RUFY1: variants seen among roughly 807,000 people sequenced by gnomAD.
RUFY1 encodes RUN and FYVE domain-containing protein 1.
RUFY1 carries 54 observed loss-of-function variants against 94.6 expected under a neutral mutation model. The observed-to-expected ratio is 0.57, with a 90% CI of 0.46 to 0.72. RUFY1 has a LOEUF of 0.72. RUFY1 is among the 30% of genes least tolerant of loss of function. The pLI, the probability that RUFY1 is intolerant of heterozygous loss-of-function variation, is 0.00. For synonymous variants in RUFY1, 396 were observed against 347.3 expected (o/e 1.14, Z -1.56); for missense variants, 883 against 883.9 (o/e 1.00, Z 0.01).
At chr5:179,603,234 C>T (rs1439415749) in intron 15 of RUFY1, among the ~76,000 whole-genome samples, 2 of 150,036 alleles carry the variant, frequency 1.3e-5, no homozygotes, top group Non-Finnish European at 3.0e-5. Context: ...CACTGCACTC[C>T]AGCCTGGGCA....
rs547887641 is a variant in RUFY1 at position 179,601,073 on chromosome 5, G to A, written c.1762-819G>A. 4.6e-5 allele frequency among the ~76,000 whole-genome samples: 7 copies of A among 152,262 alleles called. No individual in the cohort carries two copies. In the South Asian group the frequency reaches 6.2e-4, roughly 14 times the overall value. On this transcript the variant is annotated intron_variant, in intron 14 of 17. Coordinates refer to ENST00000319449, the MANE Select transcript of RUFY1 (RefSeq NM_025158.5). ...CTCTGTCCCCAGCTGCAGAGCCCTC[G>A]TCGAGTGCTTGCCTTTTAGCTGCCC...
intron 3 of RUFY1, 71 bp downstream of exon 3, chr5:179,562,735 C>A: frequency 1.2e-6 from 1 of 842,806 alleles, no homozygotes; most frequent in Non-Finnish European, 2.0e-6. Flanking sequence ...TTCTCAATTC[C>A]TTGCTGATGA....
Position 179,563,562 on chromosome 5 carries a change from G to A in RUFY1, c.602+898G>A, listed in dbSNP as rs920967133. ...TGAAACTCCATTGCTGCCAAGCCCT[G>A]TGCATTCTTCTCAAGATTAGATTTA... On this transcript the variant is annotated intron_variant, in intron 3 of 17. Coordinates refer to ENST00000319449, the MANE Select transcript of RUFY1 (RefSeq NM_025158.5). Among the ~76,000 whole-genome samples, 3 of 152,314 alleles carry A rather than the reference G, an allele frequency of 2.0e-5. No homozygotes were observed. The South Asian group carries it at 6.2e-4, about 32-fold the overall frequency.
chr5:179,580,928 C>G lies in RUFY1; in HGVS notation c.891-19C>G, dbSNP rs1337951296. On this transcript the variant is annotated intron_variant, in intron 6 of 17. Transcript: ENST00000319449. ...CATTAATAAAAAAAAGTTCTTCCTTCTTATGCTCCTTTTAAAAGGCATGAA... is the reference window on the plus strand; with the variant it reads ...CATTAATAAAAAAAAGTTCTTCCTTGTTATGCTCCTTTTAAAAGGCATGAA... 2.0e-6 allele frequency: 3 copies of G among 1,511,656 alleles called. No individual in the cohort carries two copies. The African/African-American group carries it at 4.2e-5, about 21-fold the overall frequency. The allele number at this position is 1,511,656 out of a possible 1,614,324, so 93.6% of individuals were successfully genotyped here.
chr5:179,555,001 C>A (rs915041645), intron 1 of RUFY1, among the ~76,000 whole-genome samples: 1 of 151,986 alleles, frequency 6.6e-6, no homozygotes, highest in East Asian at 1.9e-4. Context: ...AATCCTCCTT[C>A]CCAGAAATTT....
intron 15 of RUFY1, among the ~76,000 whole-genome samples, chr5:179,605,022 T>TA (rs1308854960): frequency 6.6e-6 from 1 of 151,218 alleles, no homozygotes; most frequent in East Asian, 1.9e-4. Flanking sequence ...CTCAGGCCTA[T>TA]AATCCTAGCA....
chr5:179,569,448 G>A, intron 5 of RUFY1, 23 bp downstream of exon 5: 1 of 1,612,752 alleles, frequency 6.2e-7, no homozygotes, highest in Non-Finnish European at 8.5e-7. Context: ...TTTGGCTCTA[G>A]ATGAACACTT....
intron 5 of RUFY1, chr5:179,572,205 C>A (rs1022062913): frequency 9.8e-6 from 3 of 305,794 alleles, no homozygotes; most frequent in Non-Finnish European, 1.3e-5. Context: ...GACTTCAAGG[C>A]CATTGCCCTG....
chr5:179,581,626 G>C (rs1195219725), intron 7 of RUFY1, among the ~76,000 whole-genome samples: 1 of 151,780 alleles, frequency 6.6e-6, no homozygotes, highest in Non-Finnish European at 1.5e-5. Flanking sequence ...AGGTGAAGAA[G>C]CTGGCATGTT....
intron 15 of RUFY1, among the ~76,000 whole-genome samples, chr5:179,604,331 C>G (rs1017270289): frequency 2.0e-5 from 3 of 152,206 alleles, no homozygotes; most frequent in Non-Finnish European, 4.4e-5. Context: ...GCTACAGGAA[C>G]AGTTTCCAGT....
chr5:179,593,667 A>G lies in RUFY1; in HGVS notation c.1413+22A>G, dbSNP rs1279060546. On this transcript the variant is annotated intron_variant, in intron 11 of 17. Transcript: ENST00000319449. ...TCAGGTGGGAGTTGGCTTTGTGTCC[A>G]TGGCACAGCCTGGTTTCTGCTGCTC... The G allele has an allele frequency of 2.5e-6, 4 of 1,609,674 alleles. No homozygotes were observed. The Admixed American group carries it at 5.0e-5, about 20-fold the overall frequency.
At chr5:179,564,429 T>G (rs1330351857) in intron 3 of RUFY1, among the ~76,000 whole-genome samples, 2 of 150,990 alleles carry the variant, frequency 1.3e-5, no homozygotes, top group African/African-American at 2.4e-5. Context: ...TGTTTTTTTT[T>G]TTTTTTTTTT....
chr5:179,591,906 T>A (rs1017915798), intron 10 of RUFY1, among the ~76,000 whole-genome samples, 165 bp downstream of exon 10: 1 of 152,188 alleles, frequency 6.6e-6, no homozygotes, highest in Non-Finnish European at 1.5e-5. Flanking sequence ...AGTTGTGCAT[T>A]GTCACTCATA....
chr5:179,585,879 A>G lies in RUFY1; in HGVS notation c.1026+14A>G. ...CTTCAAGAAGAGGTTTGTAAGTTTT[A>G]TTGAAATTTTTAGACAAAACAGAAT... On this transcript the variant is annotated intron_variant, in intron 8 of 17. Transcript: ENST00000319449. 6.2e-7 allele frequency: 1 copy of G among 1,603,906 alleles called. No individual in the cohort carries two copies. Among genetic ancestry groups the G allele is most frequent in the Non-Finnish European group, 8.5e-7 (1 of 1,170,734 alleles).
rs1562134988 is a variant in RUFY1 at position 179,609,480 on chromosome 5, CACCCTGCTCCTGCA to C, written c.2089_2102del (p.Thr697AlafsTer107). 2 of 1,610,956 alleles carry C rather than the reference CACCCTGCTCCTGCA, an allele frequency of 1.2e-6. No individual in the cohort carries two copies. Among genetic ancestry groups the C allele is most frequent in the African/African-American group, 2.7e-5 (2 of 74,912 alleles). ...CGGTGCGAGTGTGCGACAGCTGCCA[CACCCTGCTCCTGCA>C]GCGCTGCTCCTCCACGGCCTCCTGA... On this transcript the variant is annotated frameshift_variant, in exon 18 of 18. Transcript: ENST00000319449. LOFTEE classifies it high-confidence loss of function.
chr5:179,596,889 C>G, intron 13 of RUFY1: 3 of 569,280 alleles, frequency 5.3e-6, no homozygotes, highest in Non-Finnish European at 8.7e-6. Context: ...TGGTCCAGCT[C>G]GCCTCCAGAA....
intron 15 of RUFY1, among the ~76,000 whole-genome samples, chr5:179,604,599 T>C (rs1267595145): frequency 1.3e-5 from 2 of 152,144 alleles, no homozygotes; most frequent in African/African-American, 4.8e-5. Flanking sequence ...CCCTTCGAAG[T>C]CTAGCCTGTG....
At chr5:179,552,737 C>G (rs1037606169) in intron 1 of RUFY1, among the ~76,000 whole-genome samples, 3 of 152,050 alleles carry the variant, frequency 2.0e-5, no homozygotes, top group Admixed American at 1.3e-4. Context: ...TCCTTTAATG[C>G]AGAATCAAGG....
chr5:179,580,245 A>ATATATATTTT (rs59300402), intron 6 of RUFY1, among the ~76,000 whole-genome samples: 2 of 81,684 alleles, frequency 2.4e-5, no homozygotes, highest in Admixed American at 1.2e-4. Context: ...GTGTGTGTAT[A>ATATATATTTT]TTTTTTTTTT....
Sources: allele counts gnomAD v4.1 joint callset (sites outside exome capture counted in the v4.1 genomes callset), GRCh38; gene constraint gnomAD v4.1.1; transcripts MANE v1.5; gene names NCBI Gene and HGNC (gene_info 2026-07-23, HGNC 2026-07-21).